The following CDK13 variants were observed in gnomAD, a reference collection of about 807,000 sequenced individuals.
The protein encoded by CDK13 is cyclin dependent kinase 13.
In CDK13, 40 loss-of-function variants were observed where a neutral mutation model predicts 137.6. The observed-to-expected ratio is 0.29, with a 90% CI of 0.23 to 0.38. CDK13 has a LOEUF of 0.38. Ranked by LOEUF, CDK13 falls within the 10% of genes least tolerant of loss-of-function variation. The pLI is 1.00. For missense variants in CDK13, 1,704 were observed against 1,951.8 expected, an observed-to-expected ratio of 0.87 and a Z score of 2.39; for synonymous variants, 869 against 760.1, an observed-to-expected ratio of 1.14 and a Z score of -2.36.
intron 5 of CDK13, among the ~76,000 whole-genome samples, chr7:40,012,406 C>G (rs925086696): frequency 6.6e-6 from 1 of 151,936 alleles, no homozygotes; most frequent in Non-Finnish European, 1.5e-5. Context: ...CAAGACCAGC[C>G]TGGGCAACAT....
intron 5 of CDK13, among the ~76,000 whole-genome samples, chr7:40,009,682 A>T (rs1784857023): frequency 6.6e-6 from 1 of 152,204 alleles, no homozygotes; most frequent in Non-Finnish European, 1.5e-5. Context: ...AAACTTCTTG[A>T]CATATATTAC....
At position 40,005,975 on chromosome 7, in the gene CDK13, T is replaced by C. The variant is rs370609387; in HGVS notation, c.2353+3944T>C. Among the ~76,000 whole-genome samples the C allele has an allele frequency of 3.9e-4, 59 of 152,332 alleles. 1 individual carries two copies. The South Asian group carries it at 0.012, about 30-fold the overall frequency. On this transcript the variant is annotated intron_variant, in intron 5 of 13. Coordinates refer to ENST00000181839, the MANE Select transcript of CDK13 (RefSeq NM_003718.5). The stretch of plus-strand genomic sequence containing the variant: ...TCCTGGCTCAATTGATCCTCCTGCC[T>C]TGGCCTCCCAAAGTGCTGGGACTGG...
At chr7:39,953,642 A>G (rs1787311568) in intron 1 of CDK13, among the ~76,000 whole-genome samples, 1 of 152,208 alleles carries the variant, frequency 6.6e-6, no homozygotes, top group African/African-American at 2.4e-5. Flanking sequence ...GGGATGTAGC[A>G]GGAAAGAAAA....
chr7:40,040,238 A>G (rs1420786670), intron 5 of CDK13, among the ~76,000 whole-genome samples: 3 of 152,180 alleles, frequency 2.0e-5, no homozygotes, highest in Non-Finnish European at 4.4e-5. Context: ...TGAGAGACAG[A>G]CAAGTTTTAT....
chr7:40,052,990 CAATA>C (rs1176323577), intron 7 of CDK13, among the ~76,000 whole-genome samples: 1 of 152,040 alleles, frequency 6.6e-6, no homozygotes, highest in Admixed American at 6.6e-5. Context: ...AGATGAATGA[CAATA>C]AATAATATGA....
intron 7 of CDK13, among the ~76,000 whole-genome samples, chr7:40,054,480 G>A (rs1281247429): frequency 1.3e-5 from 2 of 151,838 alleles, no homozygotes; most frequent in Non-Finnish European, 1.5e-5. Context: ...TCCCAAGCTG[G>A]AGTGCAATGG....
intron 5 of CDK13, among the ~76,000 whole-genome samples, chr7:40,015,008 T>C (rs1470963802): frequency 3.3e-5 from 5 of 152,184 alleles, no homozygotes; most frequent in Admixed American, 6.6e-5. Context: ...AAATAGATTG[T>C]AGTCTGTTTC....
At chr7:39,995,706 A>G (rs1389119625) in intron 2 of CDK13, among the ~76,000 whole-genome samples, 1 of 152,186 alleles carries the variant, frequency 6.6e-6, no homozygotes, top group African/African-American at 2.4e-5. Flanking sequence ...GTAATATATT[A>G]CTTTAAAAAT....
intron 5 of CDK13, among the ~76,000 whole-genome samples, chr7:40,025,514 A>G (rs753242677): frequency 5.3e-5 from 8 of 152,182 alleles, no homozygotes; most frequent in East Asian, 1.9e-4. Flanking sequence ...ACCTTTGCCA[A>G]CTTACTAGTC....
chr7:40,000,805 A>C (rs1453084555), intron 4 of CDK13, among the ~76,000 whole-genome samples: 2 of 152,226 alleles, frequency 1.3e-5, no homozygotes, highest in Non-Finnish European at 2.9e-5. Flanking sequence ...CTTCTTTTAG[A>C]AAATTTGTAA....
intron 5 of CDK13, among the ~76,000 whole-genome samples, chr7:40,023,341 A>G (rs1357434435): frequency 6.6e-6 from 1 of 152,094 alleles, no homozygotes; most frequent in East Asian, 1.9e-4. Flanking sequence ...TTGCGATTAT[A>G]GGCATGAGCC....
At position 40,052,833 on chromosome 7, in the gene CDK13, T is replaced by C. The variant is rs539802059; in HGVS notation, c.2600+4956T>C. On this transcript the variant is annotated intron_variant, in intron 7 of 13. Transcript: ENST00000181839. ...TTCATGATAAGTGCTTGGTTGATGC[T>C]GATCTGGGAGAAGGTGATCTTCATC... Among the ~76,000 whole-genome samples, 4 of 152,340 alleles carry C rather than the reference T, an allele frequency of 2.6e-5. No homozygotes were observed. In the East Asian group the frequency reaches 7.7e-4, roughly 29 times the overall value.
At chr7:40,027,966 T>C (rs982445110) in intron 5 of CDK13, among the ~76,000 whole-genome samples, 2 of 151,760 alleles carry the variant, frequency 1.3e-5, no homozygotes, top group African/African-American at 4.8e-5. Context: ...GTTTTTTCCA[T>C]AATTACAGTA....
chr7:39,991,407 C>G (rs1784452127), intron 2 of CDK13, among the ~76,000 whole-genome samples: 1 of 151,760 alleles, frequency 6.6e-6, no homozygotes, highest in South Asian at 2.1e-4. Flanking sequence ...AGCTTTTGAT[C>G]TTTGCTTTCT....
intron 1 of CDK13, among the ~76,000 whole-genome samples, chr7:39,972,481 A>AT (rs1784020287): frequency 2.6e-5 from 4 of 152,200 alleles, no homozygotes; most frequent in Admixed American, 2.6e-4. Flanking sequence ...CCATTCCCAC[A>AT]TTCCACAGTT....
intron 2 of CDK13, among the ~76,000 whole-genome samples, chr7:39,996,661 T>TA (rs1005828065): frequency 2.0e-5 from 3 of 152,160 alleles, no homozygotes; most frequent in Non-Finnish European, 4.4e-5. Context: ...TTTTATTTCT[T>TA]ACGGTAAAAT....
At chr7:39,966,570 C>T (rs1783876651) in intron 1 of CDK13, among the ~76,000 whole-genome samples, 1 of 152,070 alleles carries the variant, frequency 6.6e-6, no homozygotes, top group Non-Finnish European at 1.5e-5. Flanking sequence ...TCCTTTAGCT[C>T]GGAGTAGTTT....
At chr7:40,046,122 G>C in intron 6 of CDK13, 97 bp downstream of exon 6, 3 of 789,324 alleles carry the variant, frequency 3.8e-6, no homozygotes, top group East Asian at 2.6e-5. Context: ...GGGAATGTCG[G>C]GGGTGGTGAG....
rs750412594 is a variant in CDK13, at chr7:39,988,112, G to A, written c.1725G>A (p.Glu575=). The change falls in exon 2 of 14, where the codon GAG becomes GAA. Residue 575 remains glutamate, a synonymous_variant. Coordinates refer to ENST00000181839, the MANE Select transcript of CDK13 (RefSeq NM_003718.5). ...GKESKSAATK[E]ESVSLKEKTK... ...AGAGTAAATCTGCTGCTACAAAGGA[G>A]GAATCAGTATCTCTTAAAGAGAAAA... The A allele has an allele frequency of 6.2e-7, 1 of 1,613,808 alleles. No individual in the cohort carries two copies. The highest frequency in any genetic ancestry group is 8.5e-7 in the Non-Finnish European group (1 of 1,179,996).
Sources: allele counts gnomAD v4.1 joint callset (sites outside exome capture counted in the v4.1 genomes callset), GRCh38; gene constraint gnomAD v4.1.1; transcripts MANE v1.5; gene names NCBI Gene and HGNC (gene_info 2026-07-23, HGNC 2026-07-21).